GAD2: variants seen among roughly 807,000 people sequenced by gnomAD.
GAD2 encodes glutamate decarboxylase 2, also known as 65 kDa glutamic acid decarboxylase.
GAD2 carries 22 observed loss-of-function variants against 80.1 expected under a neutral mutation model. The observed-to-expected ratio is 0.27, with a 90% CI of 0.20 to 0.39. The LOEUF (loss-of-function observed/expected upper bound fraction) is 0.39. Ranked by LOEUF, GAD2 falls within the 10% of genes least tolerant of loss-of-function variation. GAD2 has a pLI of 1.00. For missense variants in GAD2, 624 were observed against 738.4 expected (o/e 0.85, Z 1.80); for synonymous variants, 274 against 256.9 (o/e 1.07, Z -0.64).
At chr10:26,256,760 G>T (rs79430901) in intron 8 of GAD2, among the ~76,000 whole-genome samples, 10,543 of 152,196 alleles carry the variant, frequency 0.069, 452 homozygotes, top group Non-Finnish European at 0.099. Context: ...TGATTTTTTG[G>T]TGAAGGCAGT....
intron 8 of GAD2, among the ~76,000 whole-genome samples, chr10:26,249,600 A>G (rs1409397702): frequency 6.6e-6 from 1 of 152,154 alleles, no homozygotes; most frequent in East Asian, 1.9e-4. Flanking sequence ...GGGGGCTGAG[A>G]GGTGACTGGC....
intron 8 of GAD2, among the ~76,000 whole-genome samples, chr10:26,260,207 T>C (rs1036422246): frequency 6.6e-6 from 1 of 152,240 alleles, no homozygotes; most frequent in African/African-American, 2.4e-5. Flanking sequence ...TAATCCACTG[T>C]TTATAATTTA....
At chr10:26,264,703 C>T (rs1047970321) in intron 8 of GAD2, among the ~76,000 whole-genome samples, 2 of 152,168 alleles carry the variant, frequency 1.3e-5, no homozygotes, top group Admixed American at 6.5e-5. Flanking sequence ...CTTGTAGGGT[C>T]GGGAGGAGGA....
intron 7 of GAD2, among the ~76,000 whole-genome samples, chr10:26,235,659 A>G (rs1440321433): frequency 6.6e-6 from 1 of 152,238 alleles, no homozygotes; most frequent in Non-Finnish European, 1.5e-5. Flanking sequence ...TTGGTTCAAC[A>G]CATCCTTTGC....
At chr10:26,249,750 G>T (rs574191812) in intron 8 of GAD2, among the ~76,000 whole-genome samples, 45 of 152,326 alleles carry the variant, frequency 3.0e-4, no homozygotes, top group South Asian at 2.5e-3. Context: ...GGGAACAAGG[G>T]GCCTGCCTGA....
Position 26,237,473 on chromosome 10 carries a change from T to G in GAD2, c.840+7696T>G, listed in dbSNP as rs1844688789. On this transcript the variant is annotated intron_variant, in intron 7 of 15. Coordinates refer to ENST00000376261, the MANE Select transcript of GAD2 (RefSeq NM_001134366.2). The stretch of plus-strand genomic sequence containing the variant: ...GGAAGGGTAGTGCACTGCGCATGGC[T>G]CTCGGTGAGCCCCTCACAGATGACA... Among the ~76,000 whole-genome samples, 5 of 151,768 alleles carry G rather than the reference T, an allele frequency of 3.3e-5. No homozygotes were observed. In the South Asian group the frequency reaches 1.0e-3, roughly 32 times the overall value.
At chr10:26,293,084 G>T in intron 15 of GAD2, 93 bp downstream of exon 15, 1 of 993,616 alleles carries the variant, frequency 1.0e-6, no homozygotes. Context: ...TTAGGAGACA[G>T]CCTACCTGGG....
intron 8 of GAD2, among the ~76,000 whole-genome samples, chr10:26,266,313 T>C (rs1263307100): frequency 6.6e-6 from 1 of 152,156 alleles, no homozygotes; most frequent in Non-Finnish European, 1.5e-5. Context: ...TCCCTAAGAA[T>C]GGGGCCATGT....
chr10:26,291,456 A>T (rs1259468359), intron 13 of GAD2, among the ~76,000 whole-genome samples: 1 of 142,634 alleles, frequency 7.0e-6, no homozygotes, highest in African/African-American at 3.1e-5. Flanking sequence ...AACCCATTTG[A>T]TATCTCCAGG....
chr10:26,257,098 C>T (rs1361498172), intron 8 of GAD2, among the ~76,000 whole-genome samples: 2 of 152,134 alleles, frequency 1.3e-5, no homozygotes, highest in East Asian at 1.9e-4. Context: ...ATATGCTCGG[C>T]TGGGTGCGGT....
At chr10:26,250,804 C>T (rs112352213) in intron 8 of GAD2, among the ~76,000 whole-genome samples, 17 of 151,744 alleles carry the variant, frequency 1.1e-4, no homozygotes, top group African/African-American at 3.9e-4. Context: ...CAAAGATCAT[C>T]GCTAATACCA....
At chr10:26,226,456 G>C (rs913443811) in intron 6 of GAD2, among the ~76,000 whole-genome samples, 1 of 152,252 alleles carries the variant, frequency 6.6e-6, no homozygotes, top group Non-Finnish European at 1.5e-5. Flanking sequence ...CTACAGTGCA[G>C]TGCAGACATT....
intron 7 of GAD2, among the ~76,000 whole-genome samples, chr10:26,237,224 C>T (rs938570337): frequency 2.6e-5 from 4 of 152,178 alleles, no homozygotes; most frequent in South Asian, 2.1e-4. Context: ...CGCCAGGTGA[C>T]GGATGCTCCC....
chr10:26,288,044 A>G (rs780202954), intron 13 of GAD2, among the ~76,000 whole-genome samples: 1 of 152,194 alleles, frequency 6.6e-6, no homozygotes, highest in Non-Finnish European at 1.5e-5. Context: ...GCTTTTGTTT[A>G]TAATTTTTTT....
intron 6 of GAD2, among the ~76,000 whole-genome samples, chr10:26,226,595 C>A (rs2132273759): frequency 6.6e-6 from 1 of 152,314 alleles, no homozygotes; most frequent in East Asian, 1.9e-4. Context: ...CCGGGAGCAA[C>A]CAGCCTTGCT....
chr10:26,285,970 A>G (rs757720684), intron 12 of GAD2, among the ~76,000 whole-genome samples: 8 of 152,200 alleles, frequency 5.3e-5, no homozygotes, highest in Non-Finnish European at 1.0e-4. Context: ...ATCATGACAA[A>G]ACCAGAATAG....
Position 26,224,543 on chromosome 10 carries a change from A to G in GAD2, c.616A>G (p.Thr206Ala). Reference sequence around the variant, plus strand: ...GTGGCCATTACTACATTTCAGGTTCACCTATGAAATTGCTCCAGTATTTGT... The same window carrying G: ...GTGGCCATTACTACATTTCAGGTTCGCCTATGAAATTGCTCCAGTATTTGT... ...LTSTANTNMF[T>A]YEIAPVFVLL... The change falls in exon 6 of 16, where the codon ACC becomes GCC. Residue 206 changes from threonine to alanine, a missense_variant. Thr to Ala is a moderately conservative substitution (Grantham distance 58, BLOSUM62 0). Coordinates refer to ENST00000376261, the MANE Select transcript of GAD2 (RefSeq NM_001134366.2). 6.2e-7 allele frequency: 1 copy of G among 1,600,932 alleles called. No individual in the cohort carries two copies. Among genetic ancestry groups the G allele is most frequent in the Non-Finnish European group, 8.6e-7 (1 of 1,168,020 alleles).
chr10:26,230,307 C>T (rs1844584856), intron 7 of GAD2, among the ~76,000 whole-genome samples: 1 of 152,178 alleles, frequency 6.6e-6, no homozygotes, highest in African/African-American at 2.4e-5. Context: ...CTCATTTGGA[C>T]CATTGATGCT....
intron 11 of GAD2, among the ~76,000 whole-genome samples, chr10:26,278,318 G>A (rs917639022): frequency 1.3e-5 from 2 of 152,330 alleles, no homozygotes; most frequent in East Asian, 3.9e-4. Context: ...GTGCATGCAC[G>A]GTGTCACCAA....
Sources: gnomAD v4.1 joint callset for allele counts (sites outside exome capture counted in the v4.1 genomes callset) on GRCh38, gnomAD v4.1.1 for gene constraint, MANE v1.5 for transcripts, NCBI Gene and HGNC (gene_info 2026-07-23, HGNC 2026-07-21) for gene names.